Variants in RCAN1 observed in about 807,000 individuals in gnomAD.
RCAN1 encodes regulator of calcineurin 1, also known as calcipressin-1.
RCAN1 carries 11 observed loss-of-function variants against 22.9 expected under a neutral mutation model. The ratio of observed to expected loss-of-function variants is 0.48; its 90% CI spans 0.30 to 0.79. The LOEUF (loss-of-function observed/expected upper bound fraction) is 0.79, where lower values mean the gene tolerates loss of function less well. Among genes scored for constraint, RCAN1 ranks in the 30% least tolerant of loss-of-function variants. RCAN1 has a pLI of 0.06. For missense variants in RCAN1, 291 were observed against 337.8 expected (o/e 0.86, Z 1.09); for synonymous variants, 136 against 142.3 (o/e 0.96, Z 0.32).
chr21:34,564,126 G>A (rs1445595269), intron 1 of RCAN1, among the ~76,000 whole-genome samples: 2 of 152,088 alleles, frequency 1.3e-5, no homozygotes, highest in Non-Finnish European at 2.9e-5. Context: ...GCCAGCAGGG[G>A]AAATGCCAGA....
chr21:34,562,186 C>T (rs1447305209), intron 1 of RCAN1, among the ~76,000 whole-genome samples: 2 of 152,190 alleles, frequency 1.3e-5, no homozygotes, highest in Non-Finnish European at 2.9e-5. Flanking sequence ...CCTTCAGGGG[C>T]AATTTCTTAA....
intron 1 of RCAN1, among the ~76,000 whole-genome samples, chr21:34,566,153 G>A (rs1298467683): frequency 6.6e-6 from 1 of 152,190 alleles, no homozygotes; most frequent in Admixed American, 6.5e-5. Flanking sequence ...CTGCGAGTAG[G>A]TAGAGGCCGG....
chr21:34,611,478 T>C (rs1988685743), intron 1 of RCAN1, among the ~76,000 whole-genome samples: 1 of 152,184 alleles, frequency 6.6e-6, no homozygotes, highest in South Asian at 2.1e-4. Flanking sequence ...CTGATGTAAA[T>C]TTTCAAAAGA....
At chr21:34,555,733 C>T (rs1986537744) in intron 1 of RCAN1, among the ~76,000 whole-genome samples, 1 of 151,640 alleles carries the variant, frequency 6.6e-6, no homozygotes, top group Non-Finnish European at 1.5e-5. Flanking sequence ...TTTGTATACA[C>T]TTGACAACCT....
intron 1 of RCAN1, among the ~76,000 whole-genome samples, chr21:34,532,184 A>C (rs539119324): frequency 6.6e-6 from 1 of 152,142 alleles, no homozygotes; most frequent in East Asian, 1.9e-4. Context: ...ATCAGACATC[A>C]CCTGACGGAT....
chr21:34,549,197 G>A (rs1290066383), intron 1 of RCAN1, among the ~76,000 whole-genome samples: 2 of 152,166 alleles, frequency 1.3e-5, no homozygotes, highest in Non-Finnish European at 2.9e-5. Context: ...TTGGGTGTTG[G>A]TGTGCTCTGA....
intron 1 of RCAN1, chr21:34,524,021 GA>G: frequency 5.2e-6 from 1 of 193,334 alleles, no homozygotes. Context: ...GTCCTCAGGT[GA>G]TCCCTCGGCC....
At chr21:34,561,796 C>T (rs1292142221) in intron 1 of RCAN1, among the ~76,000 whole-genome samples, 2 of 152,114 alleles carry the variant, frequency 1.3e-5, no homozygotes, top group African/African-American at 4.8e-5. Context: ...AAGAATATTC[C>T]GTCAATATTG....
intron 1 of RCAN1, among the ~76,000 whole-genome samples, chr21:34,593,702 G>A (rs1988048315): frequency 6.6e-6 from 1 of 152,214 alleles, no homozygotes; most frequent in African/African-American, 2.4e-5. Flanking sequence ...CTGAGGCTGT[G>A]GCTGCTGGGC....
intron 1 of RCAN1, among the ~76,000 whole-genome samples, chr21:34,610,499 G>A (rs1988656852): frequency 6.6e-6 from 1 of 152,194 alleles, no homozygotes; most frequent in Non-Finnish European, 1.5e-5. Context: ...CCCGGTTCAG[G>A]AAATCAAGGC....
At chr21:34,613,187 C>T (rs1282470074) in intron 1 of RCAN1, among the ~76,000 whole-genome samples, 1 of 152,200 alleles carries the variant, frequency 6.6e-6, no homozygotes. Flanking sequence ...AAGACCTTCC[C>T]TGATCATCTT....
At chr21:34,557,176 G>A (rs1986612346) in intron 1 of RCAN1, among the ~76,000 whole-genome samples, 1 of 152,186 alleles carries the variant, frequency 6.6e-6, no homozygotes, top group Non-Finnish European at 1.5e-5. Flanking sequence ...TCACGCCACT[G>A]CACTCCAGCC....
chr21:34,562,684 G>A lies in RCAN1; in HGVS notation c.253-38974C>T, dbSNP rs925074841. On this transcript the variant is annotated intron_variant, in intron 1 of 3. Transcript: ENST00000313806. ...CTACCCAGGATCAAATCCCAGATTCGCTCAGCCCTCGCCACCTTTGGTAAG... is the reference window on the plus strand; with the variant it reads ...CTACCCAGGATCAAATCCCAGATTCACTCAGCCCTCGCCACCTTTGGTAAG... Among the ~76,000 whole-genome samples, 3 of 152,288 alleles carry A rather than the reference G, an allele frequency of 2.0e-5. No individual in the cohort carries two copies. In the East Asian group the frequency reaches 5.8e-4, roughly 29 times the overall value.
intron 1 of RCAN1, among the ~76,000 whole-genome samples, chr21:34,531,654 A>G (rs1985395782): frequency 6.6e-6 from 1 of 152,168 alleles, no homozygotes; most frequent in Non-Finnish European, 1.5e-5. Flanking sequence ...TTCCTGCTGT[A>G]GCCCAGGCAG....
chr21:34,585,231 C>CA (rs1418508620), intron 1 of RCAN1, among the ~76,000 whole-genome samples: 1 of 152,012 alleles, frequency 6.6e-6, no homozygotes, highest in East Asian at 1.9e-4. Context: ...TTTTGTTATA[C>CA]AAAAAAGAAA....
chr21:34,577,033 C>A (rs1454729395), intron 1 of RCAN1, among the ~76,000 whole-genome samples: 1 of 152,180 alleles, frequency 6.6e-6, no homozygotes, highest in Non-Finnish European at 1.5e-5. Context: ...CAGGGGTCAG[C>A]TCCATGGAGA....
At chr21:34,589,221 T>C (rs981487826) in intron 1 of RCAN1, among the ~76,000 whole-genome samples, 7 of 152,322 alleles carry the variant, frequency 4.6e-5, no homozygotes, top group East Asian at 3.9e-4. Flanking sequence ...ATAATAAAGA[T>C]TGTATTCATA....
chr21:34,596,515 G>A (rs911407157), intron 1 of RCAN1, among the ~76,000 whole-genome samples: 1 of 152,166 alleles, frequency 6.6e-6, no homozygotes, highest in African/African-American at 2.4e-5. Flanking sequence ...TCAGCTGAGG[G>A]CCTTCTCGAA....
At chr21:34,541,662 C>T (rs993350043) in intron 1 of RCAN1, among the ~76,000 whole-genome samples, 5 of 152,146 alleles carry the variant, frequency 3.3e-5, no homozygotes, top group African/African-American at 1.2e-4. Context: ...GGGGCGGGAG[C>T]GATGGCTCAC....
Sources: gnomAD v4.1 joint callset for allele counts (sites outside exome capture counted in the v4.1 genomes callset) on GRCh38, gnomAD v4.1.1 for gene constraint, MANE v1.5 for transcripts, NCBI Gene and HGNC (gene_info 2026-07-23, HGNC 2026-07-21) for gene names.